PRKCE: variants seen among roughly 807,000 people sequenced by gnomAD.
The protein encoded by PRKCE is protein kinase C epsilon.
In PRKCE, 16 loss-of-function variants were observed where a neutral mutation model predicts 85.4. The observed-to-expected ratio is 0.19, with a 90% CI of 0.13 to 0.28. PRKCE has a LOEUF of 0.28. Among genes scored for constraint, PRKCE ranks in the 10% least tolerant of loss-of-function variants. PRKCE has a pLI of 1.00. For missense variants in PRKCE, 573 were observed against 975.2 expected (o/e 0.59, Z 5.49); for synonymous variants, 388 against 371.5 (o/e 1.04, Z -0.51).
intron 2 of PRKCE, among the ~76,000 whole-genome samples, chr2:45,858,094 G>T (rs146847328): frequency 5.6e-4 from 85 of 152,266 alleles, no homozygotes; most frequent in African/African-American, 2.0e-3. Flanking sequence ...AGTCACCAGG[G>T]TCATTGGCAG....
intron 1 of PRKCE, among the ~76,000 whole-genome samples, chr2:45,812,325 T>A (rs1215850558): frequency 6.6e-6 from 1 of 152,200 alleles, no homozygotes; most frequent in Admixed American, 6.5e-5. Context: ...GGAAATTCTA[T>A]CCTAGGCAGC....
chr2:46,114,364 A>C (rs969818097), intron 11 of PRKCE, among the ~76,000 whole-genome samples: 3 of 146,972 alleles, frequency 2.0e-5, no homozygotes, highest in Non-Finnish European at 4.5e-5. Context: ...GCATTGCCTG[A>C]CCAAAAGGGC....
chr2:45,970,435 CA>C (rs1274420642), intron 2 of PRKCE, among the ~76,000 whole-genome samples: 1 of 152,022 alleles, frequency 6.6e-6, no homozygotes, highest in Non-Finnish European at 1.5e-5. Context: ...GCCATTTAAT[CA>C]GAAACTAATT....
chr2:45,662,028 C>A (rs112491718), intron 1 of PRKCE, among the ~76,000 whole-genome samples: 48 of 152,240 alleles, frequency 3.2e-4, no homozygotes, highest in African/African-American at 1.1e-3. Flanking sequence ...CCCTCTACCC[C>A]CCTTTAGCTC....
intron 5 of PRKCE, among the ~76,000 whole-genome samples, chr2:45,980,962 CAG>C (rs1356329397): frequency 1.3e-5 from 2 of 152,192 alleles, no homozygotes; most frequent in Non-Finnish European, 2.9e-5. Flanking sequence ...AATAGAAGCA[CAG>C]AGAGTGAAAT....
chr2:45,706,104 T>A (rs912538199), intron 1 of PRKCE, among the ~76,000 whole-genome samples: 9 of 152,142 alleles, frequency 5.9e-5, no homozygotes, highest in African/African-American at 2.2e-4. Context: ...TGAGAATACA[T>A]CCAGGTGAGT....
At chr2:45,858,284 C>G (rs534290194) in intron 2 of PRKCE, among the ~76,000 whole-genome samples, 1 of 152,260 alleles carries the variant, frequency 6.6e-6, no homozygotes, top group African/African-American at 2.4e-5. Flanking sequence ...TTTTTTTAAA[C>G]ATAAATCAAA....
chr2:46,019,236 C>T lies in PRKCE; in HGVS notation c.1437+8719C>T, dbSNP rs575164813. On this transcript the variant is annotated intron_variant, in intron 10 of 14. Coordinates refer to ENST00000306156, the MANE Select transcript of PRKCE (RefSeq NM_005400.3). Reference sequence around the variant, plus strand: ...TGACTATGTGGAGTTTGTACTTTCTCCCCATGCCTGTATGAGTTTTTTTTC... The same window carrying T: ...TGACTATGTGGAGTTTGTACTTTCTTCCCATGCCTGTATGAGTTTTTTTTC... 2.0e-5 allele frequency among the ~76,000 whole-genome samples: 3 copies of T among 152,326 alleles called. No homozygotes were observed. In the East Asian group the frequency reaches 5.8e-4, roughly 29 times the overall value.
intron 10 of PRKCE, among the ~76,000 whole-genome samples, chr2:46,043,911 C>T (rs955749694): frequency 3.3e-5 from 5 of 152,122 alleles, no homozygotes; most frequent in East Asian, 1.9e-4. Context: ...AAGCGGATGC[C>T]GAATTCTGAA....
chr2:45,875,651 GT>G (rs1486811476), intron 2 of PRKCE, among the ~76,000 whole-genome samples: 1 of 152,216 alleles, frequency 6.6e-6, no homozygotes, highest in Non-Finnish European at 1.5e-5. Flanking sequence ...CCAGTTGGGG[GT>G]AAAATGTAAG....
chr2:46,063,139 G>T (rs1667308035), intron 10 of PRKCE, among the ~76,000 whole-genome samples: 1 of 152,216 alleles, frequency 6.6e-6, no homozygotes, highest in Non-Finnish European at 1.5e-5. Context: ...AGGCAGAGCT[G>T]AGTGGGCCAA....
At chr2:46,054,595 G>C (rs1666380451) in intron 10 of PRKCE, among the ~76,000 whole-genome samples, 2 of 152,306 alleles carry the variant, frequency 1.3e-5, no homozygotes, top group African/African-American at 4.8e-5. Context: ...CATACACACA[G>C]AATCTCAGGG....
intron 1 of PRKCE, among the ~76,000 whole-genome samples, chr2:45,802,077 C>G (rs1342054711): frequency 1.4e-5 from 2 of 146,178 alleles, no homozygotes; most frequent in Non-Finnish European, 3.0e-5. Context: ...TAACAAGACC[C>G]TATCTTAAAA....
In PRKCE at chr2:45,812,811, T is replaced by A. The variant is rs553678849; in HGVS notation, c.349-30189T>A. On this transcript the variant is annotated intron_variant, in intron 1 of 14. Transcript: ENST00000306156. ...ATAGAAGTAGAATTGATAGCATTGTTCTCTGCTCTTGCATCACTTAAAATC... is the reference window on the plus strand; with the variant it reads ...ATAGAAGTAGAATTGATAGCATTGTACTCTGCTCTTGCATCACTTAAAATC... Among the ~76,000 whole-genome samples the A allele has an allele frequency of 4.6e-5, 7 of 152,332 alleles. No homozygotes were observed. In the South Asian group the frequency reaches 1.5e-3, roughly 32 times the overall value.
At chr2:46,027,455 C>T (rs532009656) in intron 10 of PRKCE, among the ~76,000 whole-genome samples, 1 of 152,054 alleles carries the variant, frequency 6.6e-6, no homozygotes, top group Non-Finnish European at 1.5e-5. Flanking sequence ...GTTTCAAAGG[C>T]CAGCAACCAT....
At chr2:45,945,022 T>G (rs1385977934) in intron 2 of PRKCE, among the ~76,000 whole-genome samples, 2 of 152,218 alleles carry the variant, frequency 1.3e-5, no homozygotes, top group Middle Eastern at 3.4e-3. Flanking sequence ...CTCTTTCAAC[T>G]TCCCCCCTTC....
intron 10 of PRKCE, among the ~76,000 whole-genome samples, chr2:46,059,474 C>G (rs1226708164): frequency 6.6e-6 from 1 of 152,192 alleles, no homozygotes. Flanking sequence ...GCAGCAGTGA[C>G]TGGTCAATCT....
At chr2:46,100,912 A>T (rs1437082185) in intron 11 of PRKCE, among the ~76,000 whole-genome samples, 1 of 151,858 alleles carries the variant, frequency 6.6e-6, no homozygotes, top group Non-Finnish European at 1.5e-5. Context: ...TCTGTCACCC[A>T]TGCTGGAGTG....
At chr2:46,135,368 T>C (rs922535983) in intron 11 of PRKCE, among the ~76,000 whole-genome samples, 8 of 152,330 alleles carry the variant, frequency 5.3e-5, no homozygotes, top group African/African-American at 7.2e-5. Context: ...AGCATGGAAG[T>C]GGGGTCAGGC....
Sources: allele counts gnomAD v4.1 joint callset (sites outside exome capture counted in the v4.1 genomes callset), GRCh38; gene constraint gnomAD v4.1.1; transcripts MANE v1.5; gene names NCBI Gene and HGNC (gene_info 2026-07-23, HGNC 2026-07-21).